SDK1: variants seen among roughly 807,000 people sequenced by gnomAD.
SDK1 encodes sidekick cell adhesion molecule 1, also known as protein sidekick-1.
Under a neutral mutation model 245.5 loss-of-function variants are expected in SDK1, and 157 were observed. The ratio of observed to expected loss-of-function variants is 0.64; its 90% CI spans 0.56 to 0.73. The LOEUF is 0.73. SDK1 is among the 30% of genes least tolerant of loss of function. The probability of loss-of-function intolerance (pLI) is 0.00; values close to 1 mark genes in which losing one functional copy is unlikely to be tolerated. For missense variants in SDK1, 3,583 were observed against 3,002.3 expected (o/e 1.19, Z -4.52); for synonymous variants, 1,647 against 1,278.5 (o/e 1.29, Z -6.15).
chr7:3,739,434 G>T (rs923154997), intron 4 of SDK1, among the ~76,000 whole-genome samples: 9 of 151,794 alleles, frequency 5.9e-5, no homozygotes, highest in African/African-American at 2.2e-4. Flanking sequence ...TTGTGTGTTG[G>T]CACACCTGTT....
intron 1 of SDK1, chr7:3,338,737 C>G (rs1242676630): frequency 5.7e-6 from 1 of 175,066 alleles, no homozygotes; most frequent in African/African-American, 2.4e-5. Flanking sequence ...CCTGTTTTTC[C>G]TATTTTGCTT....
At chr7:3,622,264 G>C (rs1256731042) in intron 2 of SDK1, among the ~76,000 whole-genome samples, 1 of 152,126 alleles carries the variant, frequency 6.6e-6, no homozygotes, top group Non-Finnish European at 1.5e-5. Flanking sequence ...GATCATTTGA[G>C]GTCAGGAGTT....
intron 1 of SDK1, among the ~76,000 whole-genome samples, chr7:3,388,590 A>G (rs1321062707): frequency 6.6e-6 from 1 of 150,710 alleles, no homozygotes; most frequent in Non-Finnish European, 1.5e-5. Flanking sequence ...TTGATGATAT[A>G]ATACTCACCA....
At chr7:4,033,114 A>G (rs1230622278) in intron 17 of SDK1, among the ~76,000 whole-genome samples, 1 of 152,218 alleles carries the variant, frequency 6.6e-6, no homozygotes, top group Admixed American at 6.5e-5. Flanking sequence ...GTGGATGACT[A>G]GAAGATGTCC....
intron 1 of SDK1, among the ~76,000 whole-genome samples, chr7:3,589,830 A>G (rs1394825723): frequency 2.0e-5 from 3 of 152,232 alleles, no homozygotes; most frequent in Non-Finnish European, 2.9e-5. Context: ...GTGGGGACAC[A>G]GACAAACCAT....
At chr7:3,486,887 A>G (rs887478491) in intron 1 of SDK1, among the ~76,000 whole-genome samples, 2 of 152,078 alleles carry the variant, frequency 1.3e-5, no homozygotes, top group Non-Finnish European at 2.9e-5. Flanking sequence ...TAACTGTCTT[A>G]TTCTCTACCA....
intron 4 of SDK1, among the ~76,000 whole-genome samples, chr7:3,724,875 A>G (rs1778965075): frequency 6.6e-6 from 1 of 152,222 alleles, no homozygotes; most frequent in African/African-American, 2.4e-5. Context: ...AACTTGTCAC[A>G]TGGCCATGTG....
chr7:4,251,556 T>A (rs1330254946), intron 44 of SDK1, among the ~76,000 whole-genome samples: 2 of 152,156 alleles, frequency 1.3e-5, no homozygotes, highest in African/African-American at 4.8e-5. Flanking sequence ...CTGCCCAGGG[T>A]TTTTATCGGA....
At chr7:3,683,000 T>C (rs572118194) in intron 4 of SDK1, among the ~76,000 whole-genome samples, 1 of 152,230 alleles carries the variant, frequency 6.6e-6, no homozygotes, top group African/African-American at 2.4e-5. Context: ...TCCCAAAGTG[T>C]TGTGATCACA....
chr7:4,213,567 G>T (rs1397294515), intron 38 of SDK1, among the ~76,000 whole-genome samples: 1 of 151,488 alleles, frequency 6.6e-6, no homozygotes, highest in African/African-American at 2.4e-5. Flanking sequence ...CCTGGTGACA[G>T]AGCGAGATTC....
chr7:3,698,733 T>C (rs1453386408), intron 4 of SDK1, among the ~76,000 whole-genome samples: 1 of 152,230 alleles, frequency 6.6e-6, no homozygotes, highest in African/African-American at 2.4e-5. Flanking sequence ...TCTCGCTGTG[T>C]CCTCACATGG....
At chr7:3,396,221 G>T (rs1209381111) in intron 1 of SDK1, among the ~76,000 whole-genome samples, 1 of 151,406 alleles carries the variant, frequency 6.6e-6, no homozygotes, top group African/African-American at 2.4e-5. Flanking sequence ...TCTTTGACCC[G>T]TATTTAGAAA....
intron 1 of SDK1, among the ~76,000 whole-genome samples, chr7:3,405,149 A>G (rs190226686): frequency 2.1e-5 from 3 of 144,520 alleles, no homozygotes; most frequent in Non-Finnish European, 4.5e-5. Flanking sequence ...CCTCATTTGT[A>G]AAAAAAAACC....
Position 3,311,488 on chromosome 7 carries a change from AAG to A in SDK1, c.298+9608_298+9609del, listed in dbSNP as rs577743635. Among the ~76,000 whole-genome samples the A allele has an allele frequency of 7.2e-5, 11 of 152,284 alleles. 1 individual carries two copies. In the South Asian group the frequency reaches 2.1e-3, roughly 29 times the overall value. Reference sequence around the variant, plus strand: ...CTTGTTCTATTGAAATTCTCAAGGAAAGAGAACTATGGAGGCATTTGAAATGC... The same window carrying A: ...CTTGTTCTATTGAAATTCTCAAGGAAAGAACTATGGAGGCATTTGAAATGC... On this transcript the variant is annotated intron_variant, in intron 1 of 44. Transcript: ENST00000404826.
intron 32 of SDK1, 102 bp downstream of exon 32, chr7:4,161,958 T>G (rs1201473545): frequency 9.3e-7 from 1 of 1,069,898 alleles, no homozygotes; most frequent in Non-Finnish European, 1.4e-6. Flanking sequence ...AGCCCTGAGC[T>G]AAGCGTTTGA....
At chr7:3,516,567 T>C (rs1159305829) in intron 1 of SDK1, among the ~76,000 whole-genome samples, 1 of 152,196 alleles carries the variant, frequency 6.6e-6, no homozygotes, top group East Asian at 1.9e-4. Flanking sequence ...GAAATATTTT[T>C]AGAGCTTCCA....
At chr7:3,840,337 C>G (rs1233458358) in intron 5 of SDK1, among the ~76,000 whole-genome samples, 1 of 152,078 alleles carries the variant, frequency 6.6e-6, no homozygotes, top group Non-Finnish European at 1.5e-5. Flanking sequence ...AAAGACAAAA[C>G]AAAAATCTTT....
chr7:3,763,732 T>A (rs1305431963), intron 4 of SDK1, among the ~76,000 whole-genome samples: 2 of 152,228 alleles, frequency 1.3e-5, no homozygotes, highest in African/African-American at 4.8e-5. Flanking sequence ...GTGGTAAGAA[T>A]GCAAATATTT....
At position 3,782,963 on chromosome 7, in the gene SDK1, G is replaced by A. The variant is rs58738480; in HGVS notation, c.714-38487G>A. On this transcript the variant is annotated intron_variant, in intron 4 of 44. Transcript: ENST00000404826. Reference sequence around the variant, plus strand: ...AGTGTTCTTGATGAACATAGATGCAGATTTCTCAACAAAATACTAACAAAC... The same window carrying A: ...AGTGTTCTTGATGAACATAGATGCAAATTTCTCAACAAAATACTAACAAAC... Among the ~76,000 whole-genome samples, 845 of 152,240 alleles carry A rather than the reference G, an allele frequency of 5.6e-3. 9 individuals carry two copies. Among genetic ancestry groups the A allele is most frequent in the African/African-American group, 0.02 (812 of 41,534 alleles).
Sources: gnomAD v4.1 joint callset for allele counts (sites outside exome capture counted in the v4.1 genomes callset) on GRCh38, gnomAD v4.1.1 for gene constraint, MANE v1.5 for transcripts, NCBI Gene and HGNC (gene_info 2026-07-23, HGNC 2026-07-21) for gene names.